Variants in PIWIL2 observed in about 807,000 individuals in gnomAD.
PIWIL2 encodes piwi-like protein 2.
In PIWIL2, 81 loss-of-function variants were observed where a neutral mutation model predicts 116.5. The ratio of observed to expected loss-of-function variants is 0.70; its 90% CI spans 0.58 to 0.84. PIWIL2 has a LOEUF of 0.84. Ranked by LOEUF, PIWIL2 falls within the 40% of genes least tolerant of loss-of-function variation. The pLI is 0.00. For missense variants in PIWIL2, 1,272 were observed against 1,212.3 expected (o/e 1.05, Z -0.73); for synonymous variants, 489 against 429.5 (o/e 1.14, Z -1.71).
intron 20 of PIWIL2, among the ~76,000 whole-genome samples, chr8:22,346,664 C>T (rs183779592): frequency 7.2e-4 from 110 of 152,122 alleles, no homozygotes; most frequent in African/African-American, 2.5e-3. Context: ...TTATTGAAGG[C>T]CCCAAAGAGT....
At chr8:22,283,724 C>G (rs1830566489) in intron 5 of PIWIL2, among the ~76,000 whole-genome samples, 1 of 152,168 alleles carries the variant, frequency 6.6e-6, no homozygotes, top group Non-Finnish European at 1.5e-5. Context: ...GGGACAATTT[C>G]TGAAGTTAGA....
chr8:22,331,989 T>C (rs578243606), intron 20 of PIWIL2, among the ~76,000 whole-genome samples: 2 of 152,210 alleles, frequency 1.3e-5, no homozygotes, highest in South Asian at 4.1e-4. Flanking sequence ...AGCTTAGATA[T>C]AGCTGAGGCT....
chr8:22,276,392 T>G (rs1043231117), intron 1 of PIWIL2, among the ~76,000 whole-genome samples: 5 of 152,242 alleles, frequency 3.3e-5, no homozygotes, highest in Admixed American at 6.5e-5. Flanking sequence ...CTCTGCTCAC[T>G]GCAACCTCCG....
Position 22,304,803 on chromosome 8 carries a change from G to C in PIWIL2, c.1390G>C (p.Val464Leu), listed in dbSNP as rs747013944. 1 of 1,613,440 alleles carries C rather than the reference G, an allele frequency of 6.2e-7. No homozygotes were observed. The highest frequency in any genetic ancestry group is 8.5e-7 in the Non-Finnish European group (1 of 1,179,374). The change falls in exon 12 of 23, where the codon GTT (valine) becomes CTT (leucine). Residue 464 changes from valine (V) to leucine (L), a missense_variant. Val to Leu is a conservative substitution (Grantham distance 32). Transcript: ENST00000356766. ...CTCTAGCAAAAATTATGGGATCACAGTTAAGGAAGAGGACCAGCCATTGCT... is the reference window on the plus strand; with the variant it reads ...CTCTAGCAAAAATTATGGGATCACACTTAAGGAAGAGGACCAGCCATTGCT... The part of the protein sequence containing the change: ...EYYSKNYGIT[V>L]KEEDQPLLIH...
chr8:22,356,915 C>G lies in PIWIL2; in HGVS notation c.*1410C>G, dbSNP rs2132121068. The G allele has an allele frequency of 6.6e-6, 1 of 152,200 alleles. No individual in the cohort carries two copies. Among genetic ancestry groups the G allele is most frequent in the Middle Eastern group, 3.4e-3 (1 of 294 alleles). 9.4% of individuals were successfully genotyped at this position (152,200 alleles called of 1,614,324 possible). On this transcript the variant is annotated 3_prime_UTR_variant, in exon 23 of 23. Transcript: ENST00000356766. ...AGTCCCTTCGGGCCTAGTTCTGTCT[C>G]ATCTTGCTTTATTGGGTTTTAAAAA... is the stretch of plus-strand genomic sequence containing the variant.
chr8:22,300,284 T>G (rs1034399969), intron 10 of PIWIL2, among the ~76,000 whole-genome samples: 16 of 152,172 alleles, frequency 1.1e-4, no homozygotes, highest in Admixed American at 7.9e-4. Flanking sequence ...CTATTGTTTT[T>G]TGGTTGGCTT....
chr8:22,321,672 T>C (rs545043730), intron 20 of PIWIL2, among the ~76,000 whole-genome samples: 12 of 152,262 alleles, frequency 7.9e-5, no homozygotes, highest in East Asian at 7.7e-4. Context: ...ACTATGATCA[T>C]GTCAGCCCGG....
chr8:22,337,571 A>G (rs1160128738), intron 20 of PIWIL2, among the ~76,000 whole-genome samples: 1 of 129,500 alleles, frequency 7.7e-6, no homozygotes, highest in African/African-American at 2.6e-5. Flanking sequence ...CTACTAAATT[A>G]AAAAAAAAAA....
intron 2 of PIWIL2, among the ~76,000 whole-genome samples, chr8:22,280,825 C>CT (rs1166228220): frequency 7.4e-6 from 1 of 135,812 alleles, no homozygotes; most frequent in Non-Finnish European, 1.6e-5. Flanking sequence ...AAAATTAACT[C>CT]TGTTCTGTTG....
At chr8:22,348,937 C>A (rs564047564) in intron 20 of PIWIL2, among the ~76,000 whole-genome samples, 1 of 152,102 alleles carries the variant, frequency 6.6e-6, no homozygotes, top group African/African-American at 2.4e-5. Context: ...CTGTTGGAGG[C>A]CTACCTAGGG....
At position 22,283,232 on chromosome 8, in the gene PIWIL2, C is replaced by T. The variant is rs756497151; in HGVS notation, c.624C>T (p.His208=). 1 of 1,612,942 alleles carries T rather than the reference C, an allele frequency of 6.2e-7. No individual in the cohort carries two copies. Among genetic ancestry groups the T allele is most frequent in the South Asian group, 1.1e-5 (1 of 91,034 alleles). The change falls in exon 5 of 23, where the codon CAC becomes CAT. Residue 208 remains histidine (H), a synonymous_variant. Coordinates refer to ENST00000356766, the MANE Select transcript of PIWIL2 (RefSeq NM_018068.5). The stretch of plus-strand genomic sequence containing the variant: ...GCCCTCTGGTCCTGACTGTGGAACA[C>T]AAGGAAAAGTAAGTCAGGAGCACTG... The part of the protein sequence containing the change: ...PDRPLVLTVE[H]KEKELIVKQG...
intron 20 of PIWIL2, among the ~76,000 whole-genome samples, chr8:22,332,636 T>C (rs1366123021): frequency 6.6e-6 from 1 of 152,060 alleles, no homozygotes; most frequent in South Asian, 2.1e-4. Context: ...TATGGACTAA[T>C]AGCTAACATC....
intron 20 of PIWIL2, among the ~76,000 whole-genome samples, chr8:22,328,260 T>C (rs1831773315): frequency 1.3e-5 from 2 of 152,240 alleles, no homozygotes; most frequent in Admixed American, 6.5e-5. Context: ...GGTTTATTTC[T>C]GGACTGCTAA....
At chr8:22,294,644 CAAAA>C (rs897494985) in intron 10 of PIWIL2, among the ~76,000 whole-genome samples, 1 of 29,900 alleles carries the variant, frequency 3.3e-5, no homozygotes, top group African/African-American at 1.2e-4. Flanking sequence ...GACTCTGTCT[CAAAA>C]AAAAAAAAAA....
chr8:22,282,949 A>T, intron 4 of PIWIL2, 85 bp from the exon 5 acceptor site: 1 of 1,062,340 alleles, frequency 9.4e-7, no homozygotes, highest in Non-Finnish European at 1.5e-6. Context: ...CTCCTCCAGG[A>T]AGAGATTGTG....
chr8:22,294,199 G>A (rs1174323741), intron 10 of PIWIL2, among the ~76,000 whole-genome samples: 3 of 151,750 alleles, frequency 2.0e-5, no homozygotes, highest in Non-Finnish European at 4.4e-5. Context: ...TTAGCCAGGC[G>A]TGGTGGCACA....
chr8:22,288,648 A>G lies in PIWIL2; in HGVS notation c.968A>G (p.Tyr323Cys). The change falls in exon 8 of 23, where the codon TAC becomes TGC. Residue 323 changes from tyrosine (Y) to cysteine (C), a missense_variant. Transcript: ENST00000356766. ...TGCTCTGACCTGTGCATTCCCTTCTACAATGTTGTTTTCCGTCGGTAAGAA... is the reference window on the plus strand; with the variant it reads ...TGCTCTGACCTGTGCATTCCCTTCTGCAATGTTGTTTTCCGTCGGTAAGAA... ...EPCSDLCIPF[Y>C]NVVFRRVMKL... is the part of the protein sequence containing the mutation. 5.6e-6 allele frequency: 9 copies of G among 1,610,164 alleles called. No homozygotes were observed. The highest frequency in any genetic ancestry group is 7.6e-6 in the Non-Finnish European group (9 of 1,178,348).
chr8:22,315,319 G>GT (rs1441395291), intron 18 of PIWIL2, among the ~76,000 whole-genome samples, 174 bp downstream of exon 18: 1 of 152,062 alleles, frequency 6.6e-6, no homozygotes, highest in African/African-American at 2.4e-5. Flanking sequence ...TTTGTTTTTT[G>GT]TTTTTTGTGT....
intron 20 of PIWIL2, among the ~76,000 whole-genome samples, chr8:22,337,789 A>G (rs1272519869): frequency 2.0e-5 from 3 of 151,892 alleles, no homozygotes; most frequent in Non-Finnish European, 2.9e-5. Context: ...ATGACAGAGC[A>G]TTGTTAAAGA....
Sources: gnomAD v4.1 joint callset for allele counts (sites outside exome capture counted in the v4.1 genomes callset) on GRCh38, gnomAD v4.1.1 for gene constraint, MANE v1.5 for transcripts, NCBI Gene and HGNC (gene_info 2026-07-23, HGNC 2026-07-21) for gene names.